GRIA2: variants seen among roughly 807,000 people sequenced by gnomAD.
GRIA2 encodes the protein glutamate ionotropic receptor AMPA type subunit 2.
GRIA2 carries 14 observed loss-of-function variants against 97.3 expected under a neutral mutation model. That is an observed-to-expected ratio of 0.14 (90% CI 0.10 to 0.23). The LOEUF is 0.23. Ranked by LOEUF, GRIA2 falls within the 10% of genes least tolerant of loss-of-function variation. The probability of loss-of-function intolerance (pLI) is 1.00; values close to 1 mark genes in which losing one functional copy is unlikely to be tolerated. For missense variants in GRIA2, 558 were observed against 1,069.8 expected (o/e 0.52, Z 6.67); for synonymous variants, 412 against 387.8 (o/e 1.06, Z -0.73).
chr4:157,284,288 A>G (rs1038477631), intron 2 of GRIA2, among the ~76,000 whole-genome samples: 2 of 151,790 alleles, frequency 1.3e-5, no homozygotes, highest in Admixed American at 1.3e-4. Context: ...TTAAAAAAAA[A>G]GCTAATTAGG....
chr4:157,314,163 A>T (rs1734210462), intron 4 of GRIA2, among the ~76,000 whole-genome samples: 1 of 152,168 alleles, frequency 6.6e-6, no homozygotes, highest in Non-Finnish European at 1.5e-5. Context: ...AATAGTATAC[A>T]CTGTGGCTGC....
intron 2 of GRIA2, among the ~76,000 whole-genome samples, chr4:157,267,407 A>T (rs2126782328): frequency 6.6e-6 from 1 of 151,790 alleles, no homozygotes; most frequent in Admixed American, 6.6e-5. Flanking sequence ...AAAAAAAAAA[A>T]AAAAAAGTTA....
rs1579396897 is a variant in GRIA2, at chr4:157,363,868, T to A, written c.*437T>A. ...TTTGTACAGACAACAAACCTGTTTC[T>A]GCAGCCACTATTGTTAGTCTCTTGA... is the stretch of plus-strand genomic sequence containing the variant. On this transcript the variant is annotated 3_prime_UTR_variant, in exon 16 of 16. Coordinates refer to ENST00000264426, the MANE Select transcript of GRIA2 (RefSeq NM_001083619.3). 1 of 265,826 alleles carries A rather than the reference T, an allele frequency of 3.8e-6. No individual in the cohort carries two copies. Among genetic ancestry groups the A allele is most frequent in the Non-Finnish European group, 7.0e-6 (1 of 142,114 alleles). 16.5% of individuals were successfully genotyped at this position (265,826 alleles called of 1,614,324 possible). A position where few individuals can be genotyped will look rare whatever the true frequency, so the allele number is the denominator to read the frequency against.
chr4:157,244,996 T>G (rs1486394705), intron 2 of GRIA2, among the ~76,000 whole-genome samples: 1 of 152,028 alleles, frequency 6.6e-6, no homozygotes, highest in Non-Finnish European at 1.5e-5. Context: ...GTTTTTTCAC[T>G]GGATTAAAAA....
chr4:157,345,404 T>A (rs901139861), intron 12 of GRIA2, among the ~76,000 whole-genome samples: 3 of 152,036 alleles, frequency 2.0e-5, no homozygotes, highest in African/African-American at 7.2e-5. Context: ...CTGAATCATT[T>A]TGGAGTTACT....
At chr4:157,242,817 A>G (rs150561455) in intron 2 of GRIA2, among the ~76,000 whole-genome samples, 1 of 152,056 alleles carries the variant, frequency 6.6e-6, no homozygotes, top group African/African-American at 2.4e-5. Context: ...CTTTCTTAAT[A>G]TATTTTGATC....
intron 2 of GRIA2, among the ~76,000 whole-genome samples, chr4:157,286,784 A>G (rs952378503): frequency 6.6e-6 from 1 of 151,532 alleles, no homozygotes; most frequent in Non-Finnish European, 1.5e-5. Context: ...TTTTGTAGGT[A>G]TTACTCTACT....
At chr4:157,297,573 T>C (rs1271537288) in intron 2 of GRIA2, among the ~76,000 whole-genome samples, 1 of 152,108 alleles carries the variant, frequency 6.6e-6, no homozygotes, top group African/African-American at 2.4e-5. Flanking sequence ...TAGAGTAACT[T>C]GCCCAATAAA....
intron 2 of GRIA2, among the ~76,000 whole-genome samples, chr4:157,268,841 T>A (rs1731887318): frequency 6.6e-6 from 1 of 152,036 alleles, no homozygotes; most frequent in Non-Finnish European, 1.5e-5. Flanking sequence ...AGAAAGAATT[T>A]AAAAACCAAG....
intron 2 of GRIA2, among the ~76,000 whole-genome samples, chr4:157,299,745 G>A (rs1733530201): frequency 6.6e-6 from 1 of 152,150 alleles, no homozygotes; most frequent in South Asian, 2.1e-4. Context: ...TTGACATAAA[G>A]TGTCTTTTAG....
intron 2 of GRIA2, among the ~76,000 whole-genome samples, chr4:157,240,907 T>G (rs1006633901): frequency 6.0e-5 from 9 of 151,006 alleles, no homozygotes; most frequent in Admixed American, 4.0e-4. Flanking sequence ...CCCCTTCCTG[T>G]GTCCATGTGA....
At chr4:157,270,165 T>G (rs1422762192) in intron 2 of GRIA2, among the ~76,000 whole-genome samples, 3 of 152,158 alleles carry the variant, frequency 2.0e-5, no homozygotes, top group Non-Finnish European at 4.4e-5. Flanking sequence ...GTTTTTTGAA[T>G]GAGGGTTGGA....
At chr4:157,316,980 T>A (rs1240543595) in intron 4 of GRIA2, among the ~76,000 whole-genome samples, 3 of 152,208 alleles carry the variant, frequency 2.0e-5, no homozygotes, top group Non-Finnish European at 4.4e-5. Flanking sequence ...CGATGACCAC[T>A]TGTTTCATGC....
At chr4:157,335,547 C>A in intron 9 of GRIA2, 124 bp from the exon 10 acceptor site, 1 of 656,756 alleles carries the variant, frequency 1.5e-6, no homozygotes, top group Non-Finnish European at 2.7e-6. Context: ...GTTGTGTGTT[C>A]ACCATCTATA....
chr4:157,256,757 T>G (rs545313084), intron 2 of GRIA2, among the ~76,000 whole-genome samples: 333 of 152,004 alleles, frequency 2.2e-3, no homozygotes, highest in Non-Finnish European at 3.9e-3. Context: ...AAACTTTTTT[T>G]CTGCCATCCT....
chr4:157,287,530 A>T (rs1732899518), intron 2 of GRIA2, among the ~76,000 whole-genome samples: 1 of 151,454 alleles, frequency 6.6e-6, no homozygotes, highest in Non-Finnish European at 1.5e-5. Flanking sequence ...ATATGTGTTT[A>T]TTTGCTTTTG....
chr4:157,258,476 C>T (rs1296520238), intron 2 of GRIA2, among the ~76,000 whole-genome samples: 2 of 151,944 alleles, frequency 1.3e-5, no homozygotes, highest in Non-Finnish European at 2.9e-5. Flanking sequence ...TTGGTCAGAC[C>T]GGTTGTCTGC....
At chr4:157,317,939 G>C (rs990800025) in intron 5 of GRIA2, among the ~76,000 whole-genome samples, 1 of 151,998 alleles carries the variant, frequency 6.6e-6, no homozygotes, top group African/African-American at 2.4e-5. Context: ...TCCCACCATT[G>C]TACTCCAGCC....
At chr4:157,300,366 T>A (rs528486843) in intron 2 of GRIA2, among the ~76,000 whole-genome samples, 2 of 152,182 alleles carry the variant, frequency 1.3e-5, no homozygotes, top group East Asian at 3.9e-4. Context: ...AGTGCTAAGT[T>A]TTTCATCTTC....
Sources: gnomAD v4.1 joint callset for allele counts (sites outside exome capture counted in the v4.1 genomes callset) on GRCh38, gnomAD v4.1.1 for gene constraint, MANE v1.5 for transcripts, NCBI Gene and HGNC (gene_info 2026-07-23, HGNC 2026-07-21) for gene names.